The following ERC1 variants were observed in gnomAD, a reference collection of about 807,000 sequenced individuals.
ERC1 encodes ELKS/RAB6-interacting/CAST family member 1.
In ERC1, 56 loss-of-function variants were observed where a neutral mutation model predicts 132.0. The ratio of observed to expected loss-of-function variants is 0.42; its 90% confidence interval spans 0.34 to 0.53. The LOEUF (loss-of-function observed/expected upper bound fraction) is 0.53. Among genes scored for constraint, ERC1 ranks in the 20% least tolerant of loss-of-function variants. The pLI, the probability that ERC1 is intolerant of heterozygous loss-of-function variation, is 0.03. For missense variants in ERC1, 1,202 were observed against 1,349.9 expected, an observed-to-expected ratio of 0.89 and a Z score of 1.72; for synonymous variants, 478 against 476.1, an observed-to-expected ratio of 1.00 and a Z score of -0.05.
chr12:1,159,339 G>A (rs923444154), intron 8 of ERC1, among the ~76,000 whole-genome samples: 7 of 152,104 alleles, frequency 4.6e-5, no homozygotes, highest in African/African-American at 1.4e-4. Flanking sequence ...TAGATCCCTC[G>A]AATGCACACT....
At chr12:1,304,842 T>C (rs1218879593) in intron 15 of ERC1, among the ~76,000 whole-genome samples, 2 of 128,646 alleles carry the variant, frequency 1.6e-5, no homozygotes, top group South Asian at 2.7e-4. Flanking sequence ...CGGGCTGGAG[T>C]ACAGTGGCGT....
At chr12:1,039,383 T>G (rs1969781376) in intron 2 of ERC1, among the ~76,000 whole-genome samples, 1 of 148,696 alleles carries the variant, frequency 6.7e-6, no homozygotes, top group Non-Finnish European at 1.5e-5. Context: ...AATAAAAAAT[T>G]AGCTGGCATG....
intron 2 of ERC1, among the ~76,000 whole-genome samples, chr12:1,072,450 A>G (rs944520895): frequency 2.7e-5 from 4 of 148,366 alleles, no homozygotes; most frequent in Non-Finnish European, 6.0e-5. Flanking sequence ...AATTTCTCAA[A>G]AATTTTCTTC....
intron 2 of ERC1, among the ~76,000 whole-genome samples, chr12:1,063,933 T>G (rs942899658): frequency 2.0e-5 from 3 of 152,226 alleles, no homozygotes; most frequent in Admixed American, 1.3e-4. Flanking sequence ...CCCTTCCAGA[T>G]GTAAGACTCT....
At chr12:1,175,842 T>C (rs1312730027) in intron 8 of ERC1, among the ~76,000 whole-genome samples, 1 of 152,156 alleles carries the variant, frequency 6.6e-6, no homozygotes, top group East Asian at 1.9e-4. Flanking sequence ...GCCCATCTGT[T>C]CAGATTTTAT....
At chr12:1,095,863 G>C (rs1357663898) in intron 3 of ERC1, among the ~76,000 whole-genome samples, 2 of 151,788 alleles carry the variant, frequency 1.3e-5, no homozygotes, top group Non-Finnish European at 2.9e-5. Context: ...AAACGTCTTT[G>C]TAGAAAAGCT....
intron 7 of ERC1, among the ~76,000 whole-genome samples, chr12:1,124,100 A>G (rs1417063394): frequency 1.3e-5 from 2 of 152,234 alleles, no homozygotes; most frequent in East Asian, 1.9e-4. Flanking sequence ...AGAAGCATCA[A>G]CATAAAGTTT....
intron 16 of ERC1, among the ~76,000 whole-genome samples, chr12:1,374,067 TC>T (rs1165648978): frequency 6.6e-6 from 1 of 152,202 alleles, no homozygotes; most frequent in African/African-American, 2.4e-5. Flanking sequence ...ATTCTTTAAT[TC>T]CTCCAAGAGT....
chr12:996,850 G>A (rs1403357809), intron 1 of ERC1, among the ~76,000 whole-genome samples: 1 of 152,040 alleles, frequency 6.6e-6, no homozygotes, highest in South Asian at 2.1e-4. Flanking sequence ...TGTGTAATAG[G>A]ACATTACCTA....
At chr12:1,205,945 A>T (rs1226279732) in intron 12 of ERC1, among the ~76,000 whole-genome samples, 1 of 152,054 alleles carries the variant, frequency 6.6e-6, no homozygotes, top group Non-Finnish European at 1.5e-5. Context: ...GAAGAATTTG[A>T]CCGTGAAGCC....
intron 18 of ERC1, among the ~76,000 whole-genome samples, chr12:1,453,856 A>G (rs76246118): frequency 0.017 from 2,571 of 152,244 alleles, 75 homozygotes; most frequent in African/African-American, 0.059. Flanking sequence ...TGATATTGTG[A>G]TATAATAAGA....
intron 12 of ERC1, among the ~76,000 whole-genome samples, chr12:1,211,642 C>G (rs967359530): frequency 6.6e-6 from 1 of 152,164 alleles, no homozygotes; most frequent in Non-Finnish European, 1.5e-5. Context: ...TCACTGCAAC[C>G]TCTGCCTCCA....
intron 18 of ERC1, among the ~76,000 whole-genome samples, chr12:1,488,764 A>AT (rs1193153519): frequency 6.6e-6 from 1 of 152,110 alleles, no homozygotes; most frequent in Non-Finnish European, 1.5e-5. Context: ...TATTTGTCCA[A>AT]TATCCCCAGC....
intron 18 of ERC1, among the ~76,000 whole-genome samples, chr12:1,482,428 A>G (rs929464694): frequency 2.6e-4 from 38 of 148,792 alleles, no homozygotes; most frequent in African/African-American, 9.2e-4. Flanking sequence ...TCAATTTTTT[A>G]AAGAGTTTTT....
chr12:1,031,173 T>G (rs140237199), intron 2 of ERC1, among the ~76,000 whole-genome samples: 94 of 152,292 alleles, frequency 6.2e-4, no homozygotes, highest in African/African-American at 2.2e-3. Context: ...ATAGCTCAAT[T>G]TTTCTGTTCA....
At chr12:1,368,427 TTAAAA>T (rs1398059852) in intron 15 of ERC1, among the ~76,000 whole-genome samples, 11 of 152,356 alleles carry the variant, frequency 7.2e-5, no homozygotes, top group Non-Finnish European at 1.2e-4. Flanking sequence ...TAGACAGCTA[TTAAAA>T]TAAAATTTTT....
At position 1,487,701 on chromosome 12, in the gene ERC1, G is replaced by C. The variant is rs534757935; in HGVS notation, c.3214-2392G>C. On this transcript the variant is annotated intron_variant, in intron 18 of 18. Coordinates refer to ENST00000360905, the MANE Select transcript of ERC1 (RefSeq NM_178040.4). Reference sequence around the variant, plus strand: ...ACCATTGCACTCCCCCCAGACAATAGAGGGAGACCCTGTCTCAAATTAATA... The same window carrying C: ...ACCATTGCACTCCCCCCAGACAATACAGGGAGACCCTGTCTCAAATTAATA... Among the ~76,000 whole-genome samples, 7 of 149,828 alleles carry C rather than the reference G, an allele frequency of 4.7e-5. No individual in the cohort carries two copies. In the South Asian group the frequency reaches 1.5e-3, roughly 33 times the overall value.
chr12:1,331,021 A>G (rs916502794), intron 15 of ERC1, among the ~76,000 whole-genome samples: 4 of 152,276 alleles, frequency 2.6e-5, no homozygotes, highest in African/African-American at 9.6e-5. Context: ...ATTGGAGTGT[A>G]TACTATACCT....
intron 12 of ERC1, among the ~76,000 whole-genome samples, chr12:1,234,147 AC>A (rs2075259980): frequency 6.6e-6 from 1 of 152,220 alleles, no homozygotes; most frequent in African/African-American, 2.4e-5. Flanking sequence ...GGAGACCTAA[AC>A]AAATAGATAA....
Sources: gnomAD v4.1 joint callset for allele counts (sites outside exome capture counted in the v4.1 genomes callset) on GRCh38, gnomAD v4.1.1 for gene constraint, MANE v1.5 for transcripts, NCBI Gene and HGNC (gene_info 2026-07-23, HGNC 2026-07-21) for gene names.